PXMP4: variants seen among roughly 807,000 people sequenced by gnomAD.
PXMP4 encodes the protein 24 kDa peroxisomal intrinsic membrane protein.
In PXMP4, 16 loss-of-function variants were observed where a neutral mutation model predicts 21.6. The ratio of observed to expected loss-of-function variants is 0.74; its 90% CI spans 0.50 to 1.13. The LOEUF is 1.13. Ranked by LOEUF, PXMP4 falls within the 50% of genes most tolerant of loss-of-function variation. The pLI is 0.00. For synonymous variants in PXMP4, 127 were observed against 123.8 expected (o/e 1.03, Z -0.17); for missense variants, 240 against 277.7 (o/e 0.86, Z 0.96).
chr20:33,709,422 G>A (rs189043185), intron 3 of PXMP4, among the ~76,000 whole-genome samples: 1 of 152,266 alleles, frequency 6.6e-6, no homozygotes, highest in African/African-American at 2.4e-5. Flanking sequence ...AGTTTTTAGA[G>A]TGTATTAAGT....
chr20:33,712,419 C>T (rs370763517), intron 2 of PXMP4, among the ~76,000 whole-genome samples: 2 of 152,124 alleles, frequency 1.3e-5, no homozygotes, highest in Admixed American at 6.6e-5. Flanking sequence ...CCCCTCCCCC[C>T]ACACCAATCT....
chr20:33,718,196 A>G, intron 1 of PXMP4, among the ~76,000 whole-genome samples: 1 of 152,058 alleles, frequency 6.6e-6, no homozygotes, highest in East Asian at 1.9e-4. Flanking sequence ...CTTGTTTGAA[A>G]AAACAAAAGA....
intron 3 of PXMP4, among the ~76,000 whole-genome samples, chr20:33,709,864 C>T (rs1166457513): frequency 2.5e-5 from 3 of 119,362 alleles, no homozygotes; most frequent in East Asian, 2.9e-4. Flanking sequence ...CACCTCTACA[C>T]GGAACCAGGC....
At position 33,710,668 on chromosome 20, in the gene PXMP4, G is replaced by C. The variant is rs1041947718; in HGVS notation, c.262C>G (p.Leu88Val). 4 of 1,613,832 alleles carry C rather than the reference G, an allele frequency of 2.5e-6. No homozygotes were observed. The African/African-American group carries it at 5.3e-5, about 22-fold the overall frequency. Reference sequence around the variant, plus strand: ...TGTATGTAGGACTGCAGGGCACGGAGACCCTTGTAGGTGAACACAAACCGT... The same window carrying C: ...TGTATGTAGGACTGCAGGGCACGGACACCCTTGTAGGTGAACACAAACCGT... ...LARFVFTYKG[L>V]RALQSYIQGK... Residue 88 changes from leucine to valine, a missense_variant, in exon 3 of 4, where the codon CTC becomes GTC. Leu to Val is a conservative substitution (Grantham distance 32). Coordinates refer to ENST00000409299, the MANE Select transcript of PXMP4 (RefSeq NM_007238.5).
intron 2 of PXMP4, among the ~76,000 whole-genome samples, chr20:33,712,779 C>T (rs550473510): frequency 1.3e-5 from 2 of 152,330 alleles, no homozygotes; most frequent in African/African-American, 2.4e-5. Flanking sequence ...CACAGGTGTG[C>T]GCCGCCAAGC....
In PXMP4 at chr20:33,714,688, G is replaced by A. The variant is rs760663830; in HGVS notation, c.162C>T (p.Leu54=). 230 of 1,613,984 alleles carry A rather than the reference G, an allele frequency of 1.4e-4. No homozygotes were observed. The highest frequency in any genetic ancestry group is 4.0e-5 in the Non-Finnish European group (47 of 1,179,994). The stretch of plus-strand genomic sequence containing the variant: ...GGGATGTGTACCTGCCATTCCGGAA[G>A]AGAAAGGTCATGACCAGCGCGTGAG... ...RAPHALVMTF[L]FRNGSLQEKL... Residue 54 remains leucine (L), a synonymous_variant, in exon 2 of 4, where the codon CTC becomes CTT. Transcript: ENST00000409299.
At chr20:33,713,609 C>T (rs1298986893) in intron 2 of PXMP4, among the ~76,000 whole-genome samples, 2 of 152,150 alleles carry the variant, frequency 1.3e-5, no homozygotes, top group East Asian at 1.9e-4. Context: ...ACTGCTGTAT[C>T]CCCAGTACCT....
chr20:33,708,090 T>G, intron 3 of PXMP4, 121 bp from the exon 4 acceptor site: 2 of 1,149,996 alleles, frequency 1.7e-6, no homozygotes, highest in East Asian at 5.3e-5. Flanking sequence ...AGGGGTTTAT[T>G]TATTTTAATT....
At chr20:33,715,140 T>A (rs2018370116) in intron 1 of PXMP4, among the ~76,000 whole-genome samples, 1 of 151,988 alleles carries the variant, frequency 6.6e-6, no homozygotes, top group South Asian at 2.1e-4. Context: ...TAAAAAGGGA[T>A]GTTTTTTGTT....
At chr20:33,710,302 C>T (rs1426284486) in intron 3 of PXMP4, among the ~76,000 whole-genome samples, 2 of 148,598 alleles carry the variant, frequency 1.3e-5, no homozygotes, top group Non-Finnish European at 3.0e-5. Flanking sequence ...CAGAACCACA[C>T]CTCTTCTCCT....
rs2018258774 is a variant in PXMP4, at chr20:33,706,550, T to G, written c.*1156A>C. 1 of 152,140 alleles carries G rather than the reference T, an allele frequency of 6.6e-6. No individual in the cohort carries two copies. The allele number at this position is 152,140 out of a possible 1,614,324, so 9.4% of individuals were successfully genotyped here. A position where few individuals can be genotyped will look rare whatever the true frequency, so the allele number is the denominator to read the frequency against. Reference sequence around the variant, plus strand: ...CACAAGTCCAGTGAGGACCACGGCATTATGATTATCCTCATTTTATGATAA... The same window carrying G: ...CACAAGTCCAGTGAGGACCACGGCAGTATGATTATCCTCATTTTATGATAA... On this transcript the variant is annotated 3_prime_UTR_variant, in exon 4 of 4. Transcript: ENST00000409299.
At position 33,706,033 on chromosome 20, in the gene PXMP4, C is replaced by G. The variant is rs2122576283; in HGVS notation, c.*1673G>C. ...CTCTGCCTCCCAGGTTCAAGCGATT[C>G]TCCTGCCTCAGCCTCCCCAGTAGCT... On this transcript the variant is annotated 3_prime_UTR_variant, in exon 4 of 4. Transcript: ENST00000409299. The G allele has an allele frequency of 6.6e-6, 1 of 152,266 alleles. No individual in the cohort carries two copies. Among genetic ancestry groups the G allele is most frequent in the South Asian group, 2.1e-4 (1 of 4,818 alleles). The allele number at this position is 152,266 out of a possible 1,614,324, so 9.4% of individuals were successfully genotyped here.
At chr20:33,713,322 G>A (rs762468426) in intron 2 of PXMP4, among the ~76,000 whole-genome samples, 4 of 151,934 alleles carry the variant, frequency 2.6e-5, no homozygotes, top group Non-Finnish European at 4.4e-5. Context: ...GGCTATGCCC[G>A]TGGCCTGGAA....
intron 1 of PXMP4, among the ~76,000 whole-genome samples, chr20:33,715,530 A>G (rs1331212573): frequency 6.6e-6 from 1 of 151,334 alleles, no homozygotes; most frequent in East Asian, 1.9e-4. Context: ...GGTTCAAGCA[A>G]TTCTCCTGGT....
At chr20:33,714,195 CT>C (rs2018360559) in intron 2 of PXMP4, among the ~76,000 whole-genome samples, 1 of 152,060 alleles carries the variant, frequency 6.6e-6, no homozygotes, top group Admixed American at 6.5e-5. Context: ...GCTGGGCTTC[CT>C]TGGAGGGCAC....
intron 2 of PXMP4, among the ~76,000 whole-genome samples, 156 bp downstream of exon 2, chr20:33,714,515 TCAA>T (rs3838023): frequency 0.01 from 1,515 of 150,756 alleles, 15 homozygotes; most frequent in Non-Finnish European, 0.014. Flanking sequence ...AGACTCCATC[TCAA>T]CAACAACAAC....
chr20:33,713,152 A>T (rs1292738857), intron 2 of PXMP4, among the ~76,000 whole-genome samples: 1 of 152,164 alleles, frequency 6.6e-6, no homozygotes, highest in Non-Finnish European at 1.5e-5. Context: ...TTCCCATTGC[A>T]CTTAAAGGAA....
chr20:33,720,102 C>T lies in PXMP4; in HGVS notation c.106G>A (p.Gly36Arg), dbSNP rs990956812. 4.3e-6 allele frequency: 7 copies of T among 1,613,640 alleles called. 1 individual carries two copies. The Middle Eastern group carries it at 6.6e-4, about 152-fold the overall frequency. The change falls in exon 1 of 4, where the codon GGG becomes AGG. Residue 36 changes from glycine (G) to arginine (R), a missense_variant. Coordinates refer to ENST00000409299, the MANE Select transcript of PXMP4 (RefSeq NM_007238.5). ...CCCGACGGCCCCACTCACACAGCCC[C>T]GTTCCGGAAGCCCTTAAGCACGGCC... ...ALAVLKGFRN[G>R]AVYGAKIRAP...
chr20:33,720,171 C>T lies in PXMP4; in HGVS notation c.37G>A (p.Val13Ile). 6.2e-7 allele frequency: 1 copy of T among 1,613,408 alleles called. No individual in the cohort carries two copies. Among genetic ancestry groups the T allele is most frequent in the African/African-American group, 1.3e-5 (1 of 75,064 alleles). The change falls in exon 1 of 4, where the codon GTC (valine) becomes ATC (isoleucine). Residue 13 changes from valine to isoleucine, a missense_variant. By Grantham distance (29) the Val-to-Ile change is conservative. Coordinates refer to ENST00000409299, the MANE Select transcript of PXMP4 (RefSeq NM_007238.5). ...APPQLRALLVVVNALLRKRRY... is the reference protein window; with the variant it reads ...APPQLRALLVIVNALLRKRRY... ...CGCTTGCGCAGCAGTGCGTTGACGA[C>T]TACGAGCAGAGCCCTTAGCTGCGGC...
Sources: gnomAD v4.1 joint callset for allele counts (sites outside exome capture counted in the v4.1 genomes callset) on GRCh38, gnomAD v4.1.1 for gene constraint, MANE v1.5 for transcripts, NCBI Gene and HGNC (gene_info 2026-07-23, HGNC 2026-07-21) for gene names.